Variants in MRPS22 observed in about 807,000 individuals in gnomAD.
MRPS22 encodes small ribosomal subunit protein mS22.
Under a neutral mutation model 44.0 loss-of-function variants are expected in MRPS22, and 30 were observed. The observed-to-expected ratio is 0.68, with a 90% CI of 0.51 to 0.93. MRPS22 has a LOEUF of 0.93. Ranked by LOEUF, MRPS22 falls within the 40% of genes least tolerant of loss-of-function variation. The pLI is 0.00. For missense variants in MRPS22, 447 were observed against 447.8 expected (o/e 1.00, Z 0.02); for synonymous variants, 165 against 154.4 (o/e 1.07, Z -0.51).
chr3:139,346,452 C>CT (rs142429861), intron 1 of MRPS22, among the ~76,000 whole-genome samples: 2,232 of 152,298 alleles, frequency 0.015, 63 homozygotes, highest in African/African-American at 0.051. Flanking sequence ...AATTTTGACT[C>CT]TATCACTTAA....
At chr3:139,347,462 C>T (rs1024432312) in intron 2 of MRPS22, among the ~76,000 whole-genome samples, 2 of 152,106 alleles carry the variant, frequency 1.3e-5, no homozygotes, top group African/African-American at 2.4e-5. Context: ...CTGAGTGCTG[C>T]GTGGAAAACA....
At chr3:139,348,586 G>T in intron 3 of MRPS22, 1 of 439,186 alleles carries the variant, frequency 2.3e-6, no homozygotes, top group Non-Finnish European at 4.2e-6. Context: ...GGAGTACACA[G>T]ATACAGACAG....
intron 6 of MRPS22, among the ~76,000 whole-genome samples, chr3:139,354,434 A>G (rs773720751): frequency 2.6e-5 from 4 of 152,208 alleles, no homozygotes; most frequent in Non-Finnish European, 5.9e-5. Flanking sequence ...CCACATGCCT[A>G]AGCTCCAAAG....
chr3:139,350,063 C>T, intron 3 of MRPS22, 116 bp from the exon 4 acceptor site: 1 of 1,199,888 alleles, frequency 8.3e-7, no homozygotes, highest in African/African-American at 1.5e-5. Context: ...ATCTCATATG[C>T]ATGATTGCAT....
intron 3 of MRPS22, chr3:139,349,559 T>C (rs1012515151): frequency 1.9e-5 from 4 of 212,366 alleles, no homozygotes; most frequent in Non-Finnish European, 3.8e-5. Context: ...ATGCCAAAAA[T>C]CTTGTGTGGG....
rs532786594 is a variant in MRPS22 at position 139,351,138 on chromosome 3, C to T, written c.732+78C>T. Reference sequence around the variant, plus strand: ...ATTTTTAATCTAGCTCAATGAATTTCGTTGTAAGTTTTGATACAGGGGAAA... The same window carrying T: ...ATTTTTAATCTAGCTCAATGAATTTTGTTGTAAGTTTTGATACAGGGGAAA... On this transcript the variant is annotated intron_variant, in intron 5 of 7. Transcript: ENST00000680020. The T allele has an allele frequency of 1.9e-4, 216 of 1,134,670 alleles. No homozygotes were observed. In the South Asian group the frequency reaches 2.1e-3, roughly 11 times the overall value. The allele number at this position is 1,134,670 out of a possible 1,614,324, so 70.3% of individuals were successfully genotyped here. A position where few individuals can be genotyped will look rare whatever the true frequency, so the allele number is the denominator to read the frequency against.
chr3:139,348,399 C>A (rs1249726055), intron 3 of MRPS22, 75 bp downstream of exon 3: 3 of 1,486,062 alleles, frequency 2.0e-6, no homozygotes, highest in Non-Finnish European at 2.8e-6. Context: ...GATGATGTGA[C>A]CTGGCTGTCT....
At chr3:139,349,572 A>T (rs1489741898) in intron 3 of MRPS22, 1 of 220,520 alleles carries the variant, frequency 4.5e-6, no homozygotes, top group African/African-American at 2.4e-5. Flanking sequence ...TGTGTGGGGT[A>T]AATTTCCAGT....
chr3:139,352,453 A>G (rs979107055), intron 5 of MRPS22, 194 bp from the exon 6 acceptor site: 1 of 533,068 alleles, frequency 1.9e-6, no homozygotes. Context: ...TCTTAATAGA[A>G]TCCTCCTTCC....
chr3:139,348,222 G>A lies in MRPS22; in HGVS notation c.402G>A (p.Glu134=). The A allele has an allele frequency of 1.2e-6, 2 of 1,614,136 alleles. No homozygotes were observed. Among genetic ancestry groups the A allele is most frequent in the Non-Finnish European group, 1.7e-6 (2 of 1,179,996 alleles). The stretch of plus-strand genomic sequence containing the variant: ...TAAAAATGCCACCAGTTCTGGAAGA[G>A]CGAGTACCAATAAATGATGTGTTAG... The part of the protein sequence containing the change: ...VRLKMPPVLE[E]RVPINDVLAE... The change falls in exon 3 of 8, where the codon GAG becomes GAA. Residue 134 remains glutamate (E), a synonymous_variant. Transcript: ENST00000680020.
At chr3:139,346,757 A>G (rs1941044802) in intron 1 of MRPS22, 121 bp from the exon 2 acceptor site, 1 of 962,628 alleles carries the variant, frequency 1.0e-6, no homozygotes. Flanking sequence ...AGGTATTAGC[A>G]TTTTGCAGTG....
At chr3:139,349,430 A>G in intron 3 of MRPS22, 2 of 393,800 alleles carry the variant, frequency 5.1e-6, no homozygotes, top group East Asian at 7.6e-5. Flanking sequence ...TTATACATTA[A>G]TCAGGTGTGT....
chr3:139,347,122 C>A, intron 2 of MRPS22, 78 bp downstream of exon 2: 2 of 1,473,072 alleles, frequency 1.4e-6, no homozygotes, highest in Non-Finnish European at 1.9e-6. Context: ...CCTCCAGATG[C>A]TTATAGCTAT....
intron 7 of MRPS22, among the ~76,000 whole-genome samples, chr3:139,356,547 A>T (rs1576366416): frequency 6.6e-6 from 1 of 152,216 alleles, no homozygotes; most frequent in Non-Finnish European, 1.5e-5. Flanking sequence ...GATAAAGCGC[A>T]ATGTTTTTGG....
At chr3:139,353,618 C>A (rs895066058) in intron 6 of MRPS22, among the ~76,000 whole-genome samples, 1 of 152,096 alleles carries the variant, frequency 6.6e-6, no homozygotes, top group Non-Finnish European at 1.5e-5. Context: ...GAAAGTTCCA[C>A]AGAACTTATT....
chr3:139,346,803 A>C, intron 1 of MRPS22, 75 bp from the exon 2 acceptor site: 1 of 1,502,290 alleles, frequency 6.7e-7, no homozygotes, highest in Admixed American at 1.7e-5. Context: ...TTTTATTGTT[A>C]ACTGACTTTT....
chr3:139,349,437 GT>G, intron 3 of MRPS22: 1 of 350,984 alleles, frequency 2.8e-6, no homozygotes, highest in Non-Finnish European at 5.6e-6. Flanking sequence ...TTAATCAGGT[GT>G]GTATCAATTA....
At chr3:139,350,949 T>C in intron 4 of MRPS22, 28 bp from the exon 5 acceptor site, 5 of 1,588,916 alleles carry the variant, frequency 3.1e-6, no homozygotes, top group Non-Finnish European at 3.5e-6. Flanking sequence ...TGTTCTCATG[T>C]GATGCTAACT....
chr3:139,346,725 G>C, intron 1 of MRPS22, 153 bp from the exon 2 acceptor site: 1 of 725,360 alleles, frequency 1.4e-6, no homozygotes, highest in Non-Finnish European at 2.4e-6. Flanking sequence ...CTTAAATGAA[G>C]AAATAAATGA....
Sources: allele counts gnomAD v4.1 joint callset (sites outside exome capture counted in the v4.1 genomes callset), GRCh38; gene constraint gnomAD v4.1.1; transcripts MANE v1.5; gene names NCBI Gene and HGNC (gene_info 2026-07-23, HGNC 2026-07-21).